Variants in KLHL14 observed in about 807,000 individuals in gnomAD.
KLHL14 encodes the protein kelch-like protein 14.
In KLHL14, 22 loss-of-function variants were observed where a neutral mutation model predicts 64.3. The observed-to-expected ratio is 0.34, with a 90% CI of 0.24 to 0.49. The LOEUF (loss-of-function observed/expected upper bound fraction) is 0.49, where lower values mean the gene tolerates loss of function less well. Among genes scored for constraint, KLHL14 ranks in the 20% least tolerant of loss-of-function variants. The probability of loss-of-function intolerance (pLI) is 0.99; values close to 1 mark genes in which losing one functional copy is unlikely to be tolerated. For missense variants in KLHL14, 661 were observed against 789.0 expected (o/e 0.84, Z 1.94); for synonymous variants, 322 against 333.4 (o/e 0.97, Z 0.37).
intron 3 of KLHL14, among the ~76,000 whole-genome samples, chr18:32,731,973 C>T (rs930533883): frequency 6.6e-6 from 1 of 152,134 alleles, no homozygotes; most frequent in African/African-American, 2.4e-5. Flanking sequence ...GTAATCCCAG[C>T]ACTTTGGGAG....
chr18:32,759,760 A>T (rs2050304271), intron 2 of KLHL14, among the ~76,000 whole-genome samples: 3 of 151,894 alleles, frequency 2.0e-5, no homozygotes. Context: ...AAACCTTAGG[A>T]GAGGGAGATT....
chr18:32,759,387 G>C (rs2050302002), intron 2 of KLHL14, among the ~76,000 whole-genome samples: 1 of 152,140 alleles, frequency 6.6e-6, no homozygotes, highest in East Asian at 1.9e-4. Flanking sequence ...CAAGTGAACA[G>C]AAAGGCAAAT....
intron 3 of KLHL14, among the ~76,000 whole-genome samples, chr18:32,703,195 C>G (rs1203267806): frequency 2.0e-5 from 3 of 152,194 alleles, no homozygotes; most frequent in African/African-American, 7.2e-5. Context: ...GAACTCAGCA[C>G]ATAGTACTGG....
intron 4 of KLHL14, among the ~76,000 whole-genome samples, chr18:32,690,654 A>G (rs1315428125): frequency 1.3e-5 from 2 of 152,180 alleles, no homozygotes; most frequent in Non-Finnish European, 2.9e-5. Flanking sequence ...ACTTGAACCC[A>G]GAAGGCGGAG....
At chr18:32,713,897 C>A (rs2050032282) in intron 3 of KLHL14, among the ~76,000 whole-genome samples, 1 of 152,032 alleles carries the variant, frequency 6.6e-6, no homozygotes, top group Non-Finnish European at 1.5e-5. Flanking sequence ...TAATTATTTT[C>A]TAAGAGTAAA....
intron 3 of KLHL14, among the ~76,000 whole-genome samples, chr18:32,695,864 G>A (rs562192326): frequency 1.3e-5 from 2 of 152,254 alleles, no homozygotes; most frequent in East Asian, 1.9e-4. Flanking sequence ...GCCTGATGAT[G>A]TGGATAGTGA....
intron 3 of KLHL14, among the ~76,000 whole-genome samples, chr18:32,735,152 G>A (rs988725316): frequency 6.6e-6 from 1 of 152,062 alleles, no homozygotes; most frequent in African/African-American, 2.4e-5. Context: ...CATTGGATCC[G>A]TTTAGATTTT....
chr18:32,675,791 C>T (rs918343350), intron 8 of KLHL14, among the ~76,000 whole-genome samples: 2 of 152,162 alleles, frequency 1.3e-5, no homozygotes, highest in African/African-American at 4.8e-5. Context: ...CAAACAAATA[C>T]ATTCTTGCAG....
intron 1 of KLHL14, chr18:32,772,126 C>A: frequency 4.0e-6 from 1 of 252,208 alleles, no homozygotes; most frequent in South Asian, 4.5e-5. Context: ...GCCCGCCCGC[C>A]CGGGGGAGAG....
chr18:32,742,024 A>G lies in KLHL14; in HGVS notation c.973T>C (p.Leu325=), dbSNP rs749999656. 1 of 1,613,652 alleles carries G rather than the reference A, an allele frequency of 6.2e-7. No homozygotes were observed. The highest frequency in any genetic ancestry group is 1.1e-5 in the South Asian group (1 of 90,946). The change falls in exon 3 of 9, where the codon TTA becomes CTA. Residue 325 remains leucine, a synonymous_variant. Coordinates refer to ENST00000359358, the MANE Select transcript of KLHL14 (RefSeq NM_020805.3). ...SRIRSNKKML[L]LVGGLPPGPD... ...CCAGGAGGCAGCCCTCCAACCAATA[A>G]CAGCATTTTCTTGTTAGAGCGAATT...
At chr18:32,686,294 G>A (rs1023724164) in intron 5 of KLHL14, among the ~76,000 whole-genome samples, 1 of 150,648 alleles carries the variant, frequency 6.6e-6, no homozygotes, top group African/African-American at 2.4e-5. Flanking sequence ...CTCCCAAAGT[G>A]CATGCTGAAG....
At chr18:32,719,390 G>T (rs181931277) in intron 3 of KLHL14, among the ~76,000 whole-genome samples, 3 of 152,324 alleles carry the variant, frequency 2.0e-5, no homozygotes, top group Non-Finnish European at 4.4e-5. Context: ...TCTATATCTT[G>T]TAAGTTCACG....
At chr18:32,767,278 G>A (rs1025981216) in intron 2 of KLHL14, among the ~76,000 whole-genome samples, 2 of 152,128 alleles carry the variant, frequency 1.3e-5, no homozygotes, top group Non-Finnish European at 2.9e-5. Context: ...CTACTTTAAA[G>A]TTAGGAACTT....
chr18:32,769,715 G>C lies in KLHL14; in HGVS notation c.877C>G (p.Leu293Val), dbSNP rs1264889517. ...FMRTDPVCQK[L>V]LLDAMNYHLM... is the part of the protein sequence containing the mutation. ...TGGTAGTTCATGGCGTCCAGCAGCA[G>C]CTTCTGGCAGACCGGGTCGGTTCGC... The change falls in exon 2 of 9, where the codon CTG (leucine) becomes GTG (valine). Residue 293 changes from leucine (L) to valine (V), a missense_variant. Leu to Val is a conservative substitution (Grantham distance 32). Transcript: ENST00000359358. The C allele has an allele frequency of 2.5e-6, 4 of 1,582,974 alleles. No homozygotes were observed. Among genetic ancestry groups the C allele is most frequent in the Non-Finnish European group, 3.4e-6 (4 of 1,162,412 alleles).
At position 32,695,744 on chromosome 18, in the gene KLHL14, C is replaced by T. The variant is rs560864970; in HGVS notation, c.1070-192G>A. ...TATGCAGTGACTCGGTGGTGTGTTC[C>T]CAGCGGTTTCAAACCCAACCCCTTT... On this transcript the variant is annotated intron_variant, in intron 3 of 8. Coordinates refer to ENST00000359358, the MANE Select transcript of KLHL14 (RefSeq NM_020805.3). Among the ~76,000 whole-genome samples, 44 of 151,988 alleles carry T rather than the reference C, an allele frequency of 2.9e-4. No individual in the cohort carries two copies. The South Asian group carries it at 8.6e-3, about 30-fold the overall frequency.
intron 4 of KLHL14, among the ~76,000 whole-genome samples, chr18:32,692,777 T>C (rs1274314671): frequency 5.3e-5 from 8 of 152,216 alleles, no homozygotes; most frequent in Non-Finnish European, 1.2e-4. Context: ...GCTCAGCTTC[T>C]TGTAAGCTAT....
intron 2 of KLHL14, among the ~76,000 whole-genome samples, chr18:32,755,572 A>G (rs2050277730): frequency 6.6e-6 from 1 of 152,158 alleles, no homozygotes; most frequent in Admixed American, 6.5e-5. Context: ...TTAAGAAATC[A>G]CTATCAGTAT....
intron 3 of KLHL14, among the ~76,000 whole-genome samples, chr18:32,696,048 T>A (rs937964119): frequency 6.6e-6 from 1 of 152,196 alleles, no homozygotes; most frequent in Non-Finnish European, 1.5e-5. Flanking sequence ...ATGAACAAGC[T>A]GAATTTCCAT....
intron 2 of KLHL14, among the ~76,000 whole-genome samples, chr18:32,746,994 C>T (rs1249082674): frequency 6.6e-6 from 1 of 152,206 alleles, no homozygotes; most frequent in Non-Finnish European, 1.5e-5. Context: ...AGGACACTGA[C>T]TTGGTCTAGT....
Sources: gnomAD v4.1 joint callset for allele counts (sites outside exome capture counted in the v4.1 genomes callset) on GRCh38, gnomAD v4.1.1 for gene constraint, MANE v1.5 for transcripts, NCBI Gene and HGNC (gene_info 2026-07-23, HGNC 2026-07-21) for gene names.